CABIN1: variants seen among roughly 807,000 people sequenced by gnomAD.
CABIN1 encodes the protein calcineurin-binding protein cabin-1.
Under a neutral mutation model 227.7 loss-of-function variants are expected in CABIN1, and 133 were observed. The ratio of observed to expected loss-of-function variants is 0.58; its 90% confidence interval spans 0.51 to 0.67. The LOEUF (loss-of-function observed/expected upper bound fraction) is 0.67, where lower values mean the gene tolerates loss of function less well. Among genes scored for constraint, CABIN1 ranks in the 30% least tolerant of loss-of-function variants. The pLI is 0.00. For missense variants in CABIN1, 2,408 were observed against 2,852.5 expected (o/e 0.84, Z 3.55); for synonymous variants, 1,086 against 1,155.1 (o/e 0.94, Z 1.21).
At chr22:24,018,177 GT>G (rs2035442288) in intron 1 of CABIN1, among the ~76,000 whole-genome samples, 1 of 152,118 alleles carries the variant, frequency 6.6e-6, no homozygotes, top group Non-Finnish European at 1.5e-5. Flanking sequence ...TTTAAGAGCT[GT>G]TTGTATATTA....
At chr22:24,062,829 G>C in intron 13 of CABIN1, 130 bp from the exon 14 acceptor site, 4 of 861,468 alleles carry the variant, frequency 4.6e-6, no homozygotes, top group Non-Finnish European at 6.0e-6. Context: ...GGGAGCTGTA[G>C]GGCTCTGAGG....
chr22:24,047,512 T>C (rs1276880526), intron 6 of CABIN1, among the ~76,000 whole-genome samples: 1 of 152,242 alleles, frequency 6.6e-6, no homozygotes, highest in African/African-American at 2.4e-5. Flanking sequence ...AGAGAAACCA[T>C]GTCCCTTATT....
chr22:24,049,246 T>G (rs1052754321), intron 7 of CABIN1, 26 bp downstream of exon 7: 1 of 1,610,664 alleles, frequency 6.2e-7, no homozygotes, highest in South Asian at 1.1e-5. Context: ...TCCCATGCCA[T>G]GTGTGCACGC....
intron 1 of CABIN1, among the ~76,000 whole-genome samples, chr22:24,028,760 A>G (rs1199890660): frequency 6.6e-6 from 1 of 152,124 alleles, no homozygotes; most frequent in Non-Finnish European, 1.5e-5. Flanking sequence ...GTATGACTGA[A>G]TAACAGGTGA....
chr22:24,156,763 A>G (rs1205429105), intron 29 of CABIN1, among the ~76,000 whole-genome samples: 2 of 151,928 alleles, frequency 1.3e-5, no homozygotes, highest in African/African-American at 2.4e-5. Flanking sequence ...TAACGGTTGC[A>G]TGGGATGGGG....
At chr22:24,148,612 T>C (rs2045296940) in intron 29 of CABIN1, among the ~76,000 whole-genome samples, 1 of 152,262 alleles carries the variant, frequency 6.6e-6, no homozygotes, top group African/African-American at 2.4e-5. Context: ...CTTCCTGGTC[T>C]TGGCCCCTTT....
intron 28 of CABIN1, among the ~76,000 whole-genome samples, chr22:24,125,294 G>A (rs529460178): frequency 6.6e-6 from 1 of 152,362 alleles, no homozygotes; most frequent in African/African-American, 2.4e-5. Context: ...TTTGACTTCA[G>A]GGTCAGCTGG....
At chr22:24,115,042 CT>C (rs1308495834) in intron 27 of CABIN1, among the ~76,000 whole-genome samples, 1 of 152,190 alleles carries the variant, frequency 6.6e-6, no homozygotes, top group Non-Finnish European at 1.5e-5. Flanking sequence ...CATAAACACA[CT>C]GTAGGAAGTT....
intron 29 of CABIN1, among the ~76,000 whole-genome samples, chr22:24,153,576 G>A (rs2045614930): frequency 6.6e-6 from 1 of 152,152 alleles, no homozygotes; most frequent in South Asian, 2.1e-4. Flanking sequence ...TTCCTGGGGG[G>A]TTGGGGGGTG....
intron 19 of CABIN1, 111 bp from the exon 20 acceptor site, chr22:24,083,117 C>A: frequency 9.2e-7 from 1 of 1,087,938 alleles, no homozygotes; most frequent in Admixed American, 1.8e-5. Context: ...CAGACATAGC[C>A]ACCTCAGGTT....
chr22:24,051,400 C>T (rs2038324711), intron 8 of CABIN1, among the ~76,000 whole-genome samples: 3 of 152,062 alleles, frequency 2.0e-5, no homozygotes, highest in Admixed American at 2.0e-4. Context: ...CTCTCTAGGG[C>T]CACGTGGGGA....
In CABIN1 at chr22:24,101,884, T is replaced by C. The variant is rs79329507; in HGVS notation, c.4117+3692T>C. The C allele has an allele frequency of 1.1e-3, 173 of 150,522 alleles. 2 individuals carry two copies. In the East Asian group the frequency reaches 0.018, roughly 16 times the overall value. The allele number at this position is 150,522 out of a possible 1,614,324, so 9.3% of individuals were successfully genotyped here. A position where few individuals can be genotyped will look rare whatever the true frequency, so the allele number is the denominator to read the frequency against. On this transcript the variant is annotated intron_variant, in intron 26 of 36. Transcript: ENST00000263119. The stretch of plus-strand genomic sequence containing the variant: ...GTGTATGTATGTGTGTGTGTGTGTG[T>C]GCCCGTGTGTAATTACGCCCTACCA...
At chr22:24,041,498 T>C (rs1415239947) in intron 5 of CABIN1, among the ~76,000 whole-genome samples, 1 of 152,182 alleles carries the variant, frequency 6.6e-6, no homozygotes, top group Non-Finnish European at 1.5e-5. Context: ...GAGGCCTGCA[T>C]GTGAATTCTT....
chr22:24,084,984 T>G (rs756488833), intron 21 of CABIN1, 22 bp from the exon 22 acceptor site: 1 of 1,614,204 alleles, frequency 6.2e-7, no homozygotes, highest in South Asian at 1.1e-5. Context: ...CCTCCCCTCA[T>G]ACTTTTCCTC....
intron 1 of CABIN1, among the ~76,000 whole-genome samples, chr22:24,021,670 G>C (rs2035737446): frequency 6.6e-6 from 1 of 151,858 alleles, no homozygotes; most frequent in Admixed American, 6.6e-5. Context: ...ATGTGTCCTT[G>C]CATCTCCTTT....
intron 28 of CABIN1, among the ~76,000 whole-genome samples, chr22:24,133,249 G>A (rs976909818): frequency 6.6e-6 from 1 of 152,244 alleles, no homozygotes; most frequent in Admixed American, 6.5e-5. Flanking sequence ...CCTCATAGGA[G>A]CAAAGGCTTA....
chr22:24,121,053 T>G (rs2043381139), intron 28 of CABIN1, among the ~76,000 whole-genome samples: 1 of 152,050 alleles, frequency 6.6e-6, no homozygotes, highest in African/African-American at 2.4e-5. Context: ...CTGGCATTGG[T>G]GTAGGCGAGG....
At chr22:24,170,768 C>G (rs1374379360) in intron 33 of CABIN1, among the ~76,000 whole-genome samples, 2 of 150,992 alleles carry the variant, frequency 1.3e-5, no homozygotes, top group African/African-American at 4.9e-5. Context: ...CCCCCCGCCC[C>G]CATGCACTGA....
chr22:24,128,258 CTT>C (rs1312729338), intron 28 of CABIN1, among the ~76,000 whole-genome samples: 1 of 137,680 alleles, frequency 7.3e-6, no homozygotes, highest in Non-Finnish European at 1.5e-5. Flanking sequence ...CTCATAAACT[CTT>C]TGATTGCATG....
Sources: gnomAD v4.1 joint callset for allele counts (sites outside exome capture counted in the v4.1 genomes callset) on GRCh38, gnomAD v4.1.1 for gene constraint, MANE v1.5 for transcripts, NCBI Gene and HGNC (gene_info 2026-07-23, HGNC 2026-07-21) for gene names.